Variants in RFTN1 observed in about 807,000 individuals in gnomAD.
RFTN1 encodes raftlin, lipid raft linker 1, also known as raftlin.
RFTN1 carries 26 observed loss-of-function variants against 46.5 expected under a neutral mutation model. The observed-to-expected ratio is 0.56, with a 90% CI of 0.41 to 0.78. The LOEUF (loss-of-function observed/expected upper bound fraction) is 0.78, where lower values mean the gene tolerates loss of function less well. RFTN1 is among the 30% of genes least tolerant of loss of function. The pLI is 0.00. For missense variants in RFTN1, 693 were observed against 718.7 expected, an observed-to-expected ratio of 0.96 and a Z score of 0.41; for synonymous variants, 261 against 284.2, an observed-to-expected ratio of 0.92 and a Z score of 0.82.
chr3:16,359,812 T>C (rs2072710341), intron 6 of RFTN1, among the ~76,000 whole-genome samples: 1 of 152,150 alleles, frequency 6.6e-6, no homozygotes, highest in African/African-American at 2.4e-5. Context: ...CATAATAATG[T>C]GACCTTTTTT....
intron 2 of RFTN1, among the ~76,000 whole-genome samples, chr3:16,434,373 CAA>C (rs1491518543): frequency 1.4e-5 from 2 of 140,808 alleles, no homozygotes; most frequent in Admixed American, 1.5e-4. Flanking sequence ...AACAAACAAA[CAA>C]ACAAACAAAC....
chr3:16,325,901 G>A (rs2069640290), intron 8 of RFTN1, among the ~76,000 whole-genome samples: 2 of 152,352 alleles, frequency 1.3e-5, no homozygotes, highest in African/African-American at 2.4e-5. Flanking sequence ...GGAAGGTGGA[G>A]CTCTGGGGGC....
rs1261570448 is a variant in RFTN1, at chr3:16,403,666, GTA to G, written c.441+5707_441+5708del. On this transcript the variant is annotated intron_variant, in intron 4 of 9. Coordinates refer to ENST00000334133, the MANE Select transcript of RFTN1 (RefSeq NM_015150.2). ...AATATATATATAATATATATTTTAT[GTA>G]TATAATATATAATATATATATAATA... Among the ~76,000 whole-genome samples, 2 of 16,306 alleles carry G rather than the reference GTA, an allele frequency of 1.2e-4. 1 individual carries two copies. Among genetic ancestry groups the G allele is most frequent in the Non-Finnish European group, 2.0e-4 (2 of 9,820 alleles). 10.7% of individuals were successfully genotyped at this position (16,306 alleles called of 152,430 possible).
At position 16,360,040 on chromosome 3, in the gene RFTN1, C is replaced by CT. The variant is rs559963587; in HGVS notation, c.1031-1994dup. Among the ~76,000 whole-genome samples the CT allele has an allele frequency of 3.0e-3, 450 of 152,126 alleles. 1 individual carries two copies. The highest frequency in any genetic ancestry group is 9.6e-3 in the African/African-American group (400 of 41,516). ...AACAATAACAAAAATAAAGGCTAAGCTTAATATTTTTATATATAAAAAGCT... is the reference window on the plus strand; with the variant it reads ...AACAATAACAAAAATAAAGGCTAAGCTTTAATATTTTTATATATAAAAAGCT... On this transcript the variant is annotated intron_variant, in intron 6 of 9. Transcript: ENST00000334133.
chr3:16,423,630 C>A (rs1191807425), intron 3 of RFTN1, among the ~76,000 whole-genome samples: 2 of 152,082 alleles, frequency 1.3e-5, no homozygotes, highest in Non-Finnish European at 2.9e-5. Flanking sequence ...CTCCAGCCAG[C>A]CACAGCAGTA....
chr3:16,361,178 A>G lies in RFTN1; in HGVS notation c.1031-3131T>C, dbSNP rs1227662145. Among the ~76,000 whole-genome samples the G allele has an allele frequency of 6.6e-6, 1 of 152,222 alleles. No homozygotes were observed. The highest frequency in any genetic ancestry group is 1.5e-5 in the Non-Finnish European group (1 of 68,042). On this transcript the variant is annotated intron_variant, in intron 6 of 9. Coordinates refer to ENST00000334133, the MANE Select transcript of RFTN1 (RefSeq NM_015150.2). The surrounding 1 kb of genome is among the most constrained non-coding windows in gnomAD (Gnocchi z 4.3). ...GGGAGATGATTTTAGTGTAATCTAA[A>G]TAGAAAAACTTCCCTTAGAGGAGTC...
At chr3:16,399,206 A>G (rs1007527865) in intron 4 of RFTN1, among the ~76,000 whole-genome samples, 1 of 152,248 alleles carries the variant, frequency 6.6e-6, no homozygotes, top group Non-Finnish European at 1.5e-5. Context: ...AAAAAATTAT[A>G]TTAAGGAGAA....
At chr3:16,368,487 C>T (rs1047575482) in intron 6 of RFTN1, among the ~76,000 whole-genome samples, 1 of 152,150 alleles carries the variant, frequency 6.6e-6, no homozygotes, top group African/African-American at 2.4e-5. Context: ...CTGGCTAACA[C>T]AGCGAAACCC....
At position 16,506,212 on chromosome 3, in the gene RFTN1, G is replaced by A. The variant is rs1315131597; in HGVS notation, c.-9+7230C>T. 6.6e-6 allele frequency among the ~76,000 whole-genome samples: 1 copy of A among 152,162 alleles called. No homozygotes were observed. Among genetic ancestry groups the A allele is most frequent in the Non-Finnish European group, 1.5e-5 (1 of 68,040 alleles). On this transcript the variant is annotated intron_variant, in intron 1 of 9. Coordinates refer to ENST00000334133, the MANE Select transcript of RFTN1 (RefSeq NM_015150.2). This position sits in a 1 kb window ranked among gnomAD's most constrained non-coding sequence, Gnocchi z 4.8. ...AATCATGAGGAAGGCCACAGAGCGAGCCATGGGATAAGGGGGAGGGTGGGC... is the reference window on the plus strand; with the variant it reads ...AATCATGAGGAAGGCCACAGAGCGAACCATGGGATAAGGGGGAGGGTGGGC...
Position 16,326,765 on chromosome 3 carries a change from ATT to A in RFTN1, c.1250+6_1250+7del, listed in dbSNP as rs756839113. ...CAATAGAATCCTAATGATTACTGTT[ATT>A]GTTACCTGGTAGTCTTGACGACGGG... On this transcript the variant is annotated splice_donor_region_variant and intron_variant, in intron 8 of 9. Coordinates refer to ENST00000334133, the MANE Select transcript of RFTN1 (RefSeq NM_015150.2). 2 of 1,606,010 alleles carry A rather than the reference ATT, an allele frequency of 1.2e-6. No homozygotes were observed. The highest frequency in any genetic ancestry group is 1.7e-6 in the Non-Finnish European group (2 of 1,172,768).
In RFTN1 at chr3:16,450,950, T is replaced by C. The variant is rs888658815; in HGVS notation, c.146-16913A>G. 2.0e-5 allele frequency among the ~76,000 whole-genome samples: 3 copies of C among 152,110 alleles called. No individual in the cohort carries two copies. Among genetic ancestry groups the C allele is most frequent in the East Asian group, 1.9e-4 (1 of 5,194 alleles). ...TTGACTACAGAGGGCCTCTGTGATA[T>C]CCCAGAGGAAACATTAGTCAGGCCA... On this transcript the variant is annotated intron_variant, in intron 2 of 9. Transcript: ENST00000334133. The surrounding 1 kb of genome is among the most constrained non-coding windows in gnomAD (Gnocchi z 4.6).
At chr3:16,373,296 TC>T (rs915608816) in intron 5 of RFTN1, among the ~76,000 whole-genome samples, 18 of 152,256 alleles carry the variant, frequency 1.2e-4, no homozygotes, top group Admixed American at 1.2e-3. Flanking sequence ...TCTCTCCCTT[TC>T]CCCCACCTTG....
rs1380087379 is a variant in RFTN1, at chr3:16,466,351, CT to C, written c.145+27373del. On this transcript the variant is annotated intron_variant, in intron 2 of 9. Transcript: ENST00000334133. This position sits in a 1 kb window ranked among gnomAD's most constrained non-coding sequence, Gnocchi z 5.6. ...TACTTTACTTTTAAAGATGTAATAT[CT>C]ATGAAATCTCTGTTGTTATTTACCT... is the stretch of plus-strand genomic sequence containing the variant. Among the ~76,000 whole-genome samples the C allele has an allele frequency of 1.3e-5, 2 of 152,116 alleles. No individual in the cohort carries two copies. The highest frequency in any genetic ancestry group is 4.8e-5 in the African/African-American group (2 of 41,406).
intron 2 of RFTN1, chr3:16,482,706 T>C: frequency 7.2e-7 from 1 of 1,396,436 alleles, no homozygotes; most frequent in Non-Finnish European, 9.8e-7. Context: ...ACATTAGCTG[T>C]TATTACTGTT....
chr3:16,455,067 C>T (rs1039156417), intron 2 of RFTN1, among the ~76,000 whole-genome samples: 3 of 152,164 alleles, frequency 2.0e-5, no homozygotes, highest in Non-Finnish European at 2.9e-5. Flanking sequence ...TGAGGGCTGG[C>T]GGCCAGCAAC....
At position 16,374,682 on chromosome 3, in the gene RFTN1, C is replaced by T. The variant is rs575206039; in HGVS notation, c.826+3036G>A. On this transcript the variant is annotated intron_variant, in intron 5 of 9. Coordinates refer to ENST00000334133, the MANE Select transcript of RFTN1 (RefSeq NM_015150.2). The surrounding 1 kb of genome is among the most constrained non-coding windows in gnomAD (Gnocchi z 5.4). ...TGACGGTGAGAATGATTAGAATTTT[C>T]GTGAACCTGTCTAGCCTCCTGGTTT... 2.0e-5 allele frequency among the ~76,000 whole-genome samples: 3 copies of T among 152,300 alleles called. No homozygotes were observed. The highest frequency in any genetic ancestry group is 1.9e-4 in the East Asian group (1 of 5,180).
chr3:16,361,382 T>C lies in RFTN1; in HGVS notation c.1031-3335A>G, dbSNP rs1329539067. Among the ~76,000 whole-genome samples, 1 of 152,166 alleles carries C rather than the reference T, an allele frequency of 6.6e-6. No individual in the cohort carries two copies. Among genetic ancestry groups the C allele is most frequent in the East Asian group, 1.9e-4 (1 of 5,190 alleles). The stretch of plus-strand genomic sequence containing the variant: ...GATAAAGTCCCTGCCTACATGAAGC[T>C]TACCTTGCAGTGGAGGAGGAAGACA... On this transcript the variant is annotated intron_variant, in intron 6 of 9. Transcript: ENST00000334133. The surrounding 1 kb of genome is among the most constrained non-coding windows in gnomAD (Gnocchi z 4.3).
rs1384818706 is a variant in RFTN1 at position 16,322,560 on chromosome 3, T to G, written c.1332+816A>C. On this transcript the variant is annotated intron_variant, in intron 9 of 9. Coordinates refer to ENST00000334133, the MANE Select transcript of RFTN1 (RefSeq NM_015150.2). The surrounding 1 kb of genome is among the most constrained non-coding windows in gnomAD (Gnocchi z 6.2). The stretch of plus-strand genomic sequence containing the variant: ...GTGATGCCTGACTCAGGCTTTGGTG[T>G]GTCCACTCGACTCACTGGCCTCTTC... Among the ~76,000 whole-genome samples, 1 of 152,176 alleles carries G rather than the reference T, an allele frequency of 6.6e-6. No homozygotes were observed. The highest frequency in any genetic ancestry group is 1.5e-5 in the Non-Finnish European group (1 of 68,036).
intron 4 of RFTN1, among the ~76,000 whole-genome samples, chr3:16,395,678 G>C (rs1159744973): frequency 1.3e-5 from 2 of 152,040 alleles, no homozygotes; most frequent in Admixed American, 6.6e-5. Flanking sequence ...CAAACTCCTG[G>C]CCTTAAGCAA....
Sources: gnomAD v4.1 joint callset for allele counts (sites outside exome capture counted in the v4.1 genomes callset) on GRCh38, gnomAD v4.1.1 for gene constraint, Gnocchi (gnomAD v3.1) non-coding constraint, MANE v1.5 for transcripts, NCBI Gene and HGNC (gene_info 2026-07-23, HGNC 2026-07-21) for gene names.